PPFIA2: variants seen among roughly 807,000 people sequenced by gnomAD.
PPFIA2 encodes the protein liprin-alpha-2.
In PPFIA2, 46 loss-of-function variants were observed where a neutral mutation model predicts 175.5. The ratio of observed to expected loss-of-function variants is 0.26; its 90% CI spans 0.21 to 0.34. The LOEUF (loss-of-function observed/expected upper bound fraction) is 0.34. Among genes scored for constraint, PPFIA2 ranks in the 10% least tolerant of loss-of-function variants. The pLI is 1.00. For missense variants in PPFIA2, 1,179 were observed against 1,506.1 expected, an observed-to-expected ratio of 0.78 and a Z score of 3.60; for synonymous variants, 568 against 511.4, an observed-to-expected ratio of 1.11 and a Z score of -1.49.
chr12:81,563,311 ATT>A (rs2153397713), intron 4 of PPFIA2, among the ~76,000 whole-genome samples: 1 of 152,186 alleles, frequency 6.6e-6, no homozygotes, highest in Non-Finnish European at 1.5e-5. Context: ...GCACTTAAGG[ATT>A]TACTAACACG....
chr12:81,393,695 C>A (rs980621015), intron 8 of PPFIA2, among the ~76,000 whole-genome samples: 1 of 152,018 alleles, frequency 6.6e-6, no homozygotes, highest in African/African-American at 2.4e-5. Flanking sequence ...TACCAAGAGT[C>A]CACAAAGAGA....
At chr12:81,381,503 G>T (rs921232941) in intron 9 of PPFIA2, among the ~76,000 whole-genome samples, 6 of 152,114 alleles carry the variant, frequency 3.9e-5, no homozygotes, top group African/African-American at 1.4e-4. Context: ...GTACTAAGAT[G>T]AAAGGAAATC....
At chr12:81,506,236 C>T (rs2061155746) in intron 4 of PPFIA2, 1 of 152,120 alleles carries the variant, frequency 6.6e-6, no homozygotes, top group Non-Finnish European at 1.5e-5. Flanking sequence ...TTTGCTTATG[C>T]CTATCATTCC....
intron 28 of PPFIA2, among the ~76,000 whole-genome samples, chr12:81,274,608 T>G (rs1288099272): frequency 3.3e-5 from 5 of 152,208 alleles, no homozygotes; most frequent in African/African-American, 1.2e-4. Flanking sequence ...GAAATCTTCT[T>G]GACCTAAACA....
intron 4 of PPFIA2, among the ~76,000 whole-genome samples, chr12:81,553,411 T>C (rs1319762830): frequency 6.6e-6 from 1 of 152,134 alleles, no homozygotes; most frequent in Non-Finnish European, 1.5e-5. Context: ...TAGCTTGTCC[T>C]ACTCCCATCA....
chr12:81,545,166 T>A (rs1475406621), intron 4 of PPFIA2, among the ~76,000 whole-genome samples: 1 of 151,846 alleles, frequency 6.6e-6, no homozygotes, highest in Non-Finnish European at 1.5e-5. Context: ...CTACACTAAC[T>A]TACAATATAC....
intron 8 of PPFIA2, among the ~76,000 whole-genome samples, chr12:81,400,269 T>G (rs539306645): frequency 6.6e-6 from 1 of 152,256 alleles, no homozygotes; most frequent in African/African-American, 2.4e-5. Flanking sequence ...TCACATTGCT[T>G]GTAGAGCTAT....
intron 4 of PPFIA2, among the ~76,000 whole-genome samples, chr12:81,665,327 T>C (rs1487358737): frequency 6.6e-6 from 1 of 152,076 alleles, no homozygotes; most frequent in Non-Finnish European, 1.5e-5. Context: ...TCTATCACAT[T>C]AATCATCAGA....
chr12:81,283,557 T>C (rs1166304711), intron 25 of PPFIA2, among the ~76,000 whole-genome samples: 3 of 152,204 alleles, frequency 2.0e-5, no homozygotes, highest in East Asian at 3.9e-4. Context: ...GTACATGACA[T>C]TGGTGTTTTT....
intron 4 of PPFIA2, among the ~76,000 whole-genome samples, chr12:81,459,625 A>T (rs2054176252): frequency 6.6e-6 from 1 of 151,484 alleles, no homozygotes; most frequent in South Asian, 2.1e-4. Context: ...AAAATAAGAG[A>T]AAATATAAAC....
chr12:81,533,242 G>A (rs1466573625), intron 4 of PPFIA2, among the ~76,000 whole-genome samples: 7 of 151,638 alleles, frequency 4.6e-5, no homozygotes, highest in Admixed American at 2.6e-4. Flanking sequence ...ACATCACAAC[G>A]TTTTAATATA....
chr12:81,635,914 T>C (rs2063939072), intron 4 of PPFIA2, among the ~76,000 whole-genome samples: 1 of 149,874 alleles, frequency 6.7e-6, no homozygotes, highest in Non-Finnish European at 1.5e-5. Context: ...ATGCAATCTC[T>C]CTCTCTCACA....
intron 8 of PPFIA2, among the ~76,000 whole-genome samples, chr12:81,401,539 A>G (rs931911142): frequency 6.6e-6 from 1 of 152,148 alleles, no homozygotes; most frequent in African/African-American, 2.4e-5. Flanking sequence ...ATACCACAAT[A>G]TTTATCATGT....
chr12:81,544,482 C>T (rs771566601), intron 4 of PPFIA2, among the ~76,000 whole-genome samples: 3 of 152,132 alleles, frequency 2.0e-5, no homozygotes, highest in African/African-American at 2.4e-5. Context: ...GGCAGCCCAA[C>T]ATACTTCCGG....
At chr12:81,659,061 T>C (rs1386613261) in intron 4 of PPFIA2, among the ~76,000 whole-genome samples, 2 of 152,146 alleles carry the variant, frequency 1.3e-5, no homozygotes, top group South Asian at 2.1e-4. Context: ...AGATTAGTTA[T>C]AAATTAACAG....
chr12:81,642,388 C>A (rs191547743), intron 4 of PPFIA2, among the ~76,000 whole-genome samples: 40 of 151,488 alleles, frequency 2.6e-4, no homozygotes, highest in Admixed American at 1.9e-3. Flanking sequence ...AAACTTATCA[C>A]CCTCCTATGT....
Position 81,533,196 on chromosome 12 carries a change from G to T in PPFIA2, c.304-75330C>A, listed in dbSNP as rs561192716. On this transcript the variant is annotated intron_variant, in intron 4 of 32. Transcript: ENST00000549396. ...GGGCATTGGATAAAATGTTCAAAAT[G>T]CATTTAGGTATTGAAGTATATAATG... 2.6e-5 allele frequency among the ~76,000 whole-genome samples: 4 copies of T among 151,670 alleles called. No homozygotes were observed. The South Asian group carries it at 8.3e-4, about 31-fold the overall frequency.
At chr12:81,300,131 C>A (rs565330539) in intron 22 of PPFIA2, among the ~76,000 whole-genome samples, 8 of 151,944 alleles carry the variant, frequency 5.3e-5, no homozygotes, top group Non-Finnish European at 1.2e-4. Context: ...TTTCACTGAC[C>A]CTCTTACTGA....
At chr12:81,327,710 AT>A (rs2055114504) in intron 21 of PPFIA2, among the ~76,000 whole-genome samples, 1 of 152,118 alleles carries the variant, frequency 6.6e-6, no homozygotes, top group African/African-American at 2.4e-5. Flanking sequence ...TTAAATTATG[AT>A]TTAAATTTAT....
Sources: gnomAD v4.1 joint callset for allele counts (sites outside exome capture counted in the v4.1 genomes callset) on GRCh38, gnomAD v4.1.1 for gene constraint, MANE v1.5 for transcripts, NCBI Gene and HGNC (gene_info 2026-07-23, HGNC 2026-07-21) for gene names.